The following NUP43 variants were observed in gnomAD, a reference collection of about 807,000 sequenced individuals.
The protein encoded by NUP43 is nucleoporin 43.
Under a neutral mutation model 47.3 loss-of-function variants are expected in NUP43, and 32 were observed. The ratio of observed to expected loss-of-function variants is 0.68; its 90% CI spans 0.51 to 0.91. The LOEUF is 0.91. NUP43 is among the 40% of genes least tolerant of loss of function. NUP43 has a pLI of 0.00. For synonymous variants in NUP43, 147 were observed against 158.4 expected, an observed-to-expected ratio of 0.93 and a Z score of 0.54; for missense variants, 444 against 453.9, an observed-to-expected ratio of 0.98 and a Z score of 0.20.
Position 149,726,973 on chromosome 6 carries a change from GA to G in NUP43, c.1138del (p.Ser380ArgfsTer27). The G allele has an allele frequency of 1.2e-6, 2 of 1,610,496 alleles. No homozygotes were observed. The highest frequency in any genetic ancestry group is 8.5e-7 in the Non-Finnish European group (1 of 1,176,924). ...EAIYVTRHLF[S>X] ...AATCTTATAATTATAGTACTTCTAC[GA>G]AAAAAGATGTCTAGTAACATAAATT... is the stretch of plus-strand genomic sequence containing the variant. On this transcript the variant is annotated frameshift_variant, in exon 8 of 8. Transcript: ENST00000340413. LOFTEE classifies it high-confidence loss of function.
At chr6:149,742,627 T>C (rs1785728136) in intron 3 of NUP43, 57 bp from the exon 4 acceptor site, 5 of 1,294,910 alleles carry the variant, frequency 3.9e-6, no homozygotes, top group Admixed American at 1.9e-5. Flanking sequence ...TTAGCACTTC[T>C]TCCCAACAAG....
chr6:149,733,950 T>C (rs917410783), intron 6 of NUP43, among the ~76,000 whole-genome samples: 11 of 151,736 alleles, frequency 7.2e-5, no homozygotes, highest in Non-Finnish European at 1.6e-4. Context: ...TCTGCCTCCC[T>C]AGTAGCTGGG....
rs766915674 is a variant in NUP43 at position 149,738,716 on chromosome 6, C to T, written c.565G>A (p.Val189Ile). The T allele has an allele frequency of 1.3e-6, 2 of 1,595,502 alleles. No individual in the cohort carries two copies. The highest frequency in any genetic ancestry group is 8.5e-7 in the Non-Finnish European group (1 of 1,171,218). The change falls in exon 5 of 8, where the codon GTA becomes ATA. Residue 189 changes from valine (V) to isoleucine (I), a missense_variant. Val to Ile is a conservative substitution (Grantham distance 29). Transcript: ENST00000340413. ...TFLRTPEILT[V>I]NSIGQLKIWD... ...ATTTTCAACTGTCCAATTGAATTTA[C>T]AGTAAGAATCTCAGGAGTTCGAAGA...
chr6:149,736,973 G>A (rs189273266), intron 5 of NUP43, among the ~76,000 whole-genome samples: 6 of 152,034 alleles, frequency 3.9e-5, no homozygotes, highest in Admixed American at 2.0e-4. Flanking sequence ...ACTGGTAACC[G>A]TGCCCAGCCT....
At chr6:149,729,764 T>G (rs1784943167) in intron 7 of NUP43, among the ~76,000 whole-genome samples, 1 of 152,150 alleles carries the variant, frequency 6.6e-6, no homozygotes, top group African/African-American at 2.4e-5. Flanking sequence ...GAATATTTGC[T>G]CTATGCGTTT....
chr6:149,731,653 A>G lies in NUP43; in HGVS notation c.873T>C (p.Ala291=). Residue 291 remains alanine (A), a synonymous_variant, in exon 7 of 8, where the codon GCT becomes GCC. Transcript: ENST00000340413. ...ACGACTTTTCAGGTACATCTGTGGA[A>G]GCATCCCAGTGCCAGAGGGATCCAT... ...SEDGSLWHWD[A]STDVPEKSSL... is the part of the protein sequence containing the mutation. The G allele has an allele frequency of 1.2e-6, 2 of 1,613,940 alleles. No individual in the cohort carries two copies. The highest frequency in any genetic ancestry group is 1.7e-6 in the Non-Finnish European group (2 of 1,179,892).
Position 149,731,689 on chromosome 6 carries a change from G to A in NUP43, c.837C>T (p.Thr279=). ...FHPSNPEHLF[T]CSEDGSLWHW... The stretch of plus-strand genomic sequence containing the variant: ...GCCAGAGGGATCCATCTTCAGAGCA[G>A]GTAAAAAGATGTTCTGGGTTGGATG... The change falls in exon 7 of 8, where the codon ACC becomes ACT. Residue 279 remains threonine, a synonymous_variant. Coordinates refer to ENST00000340413, the MANE Select transcript of NUP43 (RefSeq NM_198887.3). The A allele has an allele frequency of 1.2e-6, 2 of 1,613,612 alleles. No homozygotes were observed. Among genetic ancestry groups the A allele is most frequent in the Non-Finnish European group, 1.7e-6 (2 of 1,179,614 alleles).
intron 5 of NUP43, among the ~76,000 whole-genome samples, chr6:149,737,505 C>CTGCTTGGA (rs1367888419): frequency 6.6e-6 from 1 of 152,106 alleles, no homozygotes; most frequent in Admixed American, 6.6e-5. Flanking sequence ...TCAAACTTCT[C>CTGCTTGGA]ACCGCAGATA....
At chr6:149,748,639 C>A (rs1019729077), upstream of NUP43, among the ~76,000 whole-genome samples, 2 of 151,726 alleles carry the variant, frequency 1.3e-5, no homozygotes, top group African/African-American at 4.8e-5. Flanking sequence ...GAAACCCTGT[C>A]TCTACTAAAA....
intron 7 of NUP43, chr6:149,727,956 T>TAAGTGCTCTGTGCC: frequency 1.0e-6 from 1 of 985,128 alleles, no homozygotes; most frequent in African/African-American, 1.7e-5. Flanking sequence ...GGCTCTGTGC[T>TAAGTGCTCTGTGCC]AAGTGCTCTG....
intron 4 of NUP43, among the ~76,000 whole-genome samples, chr6:149,739,799 T>C (rs1481540068): frequency 6.6e-6 from 1 of 152,112 alleles, no homozygotes; most frequent in Admixed American, 6.6e-5. Flanking sequence ...TGCAGACTCA[T>C]CCCAAATCTA....
At position 149,724,873 on chromosome 6, in the gene NUP43, G is replaced by C. The variant is rs1175153335; in HGVS notation, c.*2096C>G. On this transcript the variant is annotated 3_prime_UTR_variant, in exon 8 of 8. Coordinates refer to ENST00000340413, the MANE Select transcript of NUP43 (RefSeq NM_198887.3). ...CAAAGTGCTAGCATTACAGGCGTGA[G>C]CCACCATGCCTGGCCACCATATGTT... is the stretch of plus-strand genomic sequence containing the variant. The C allele has an allele frequency of 6.6e-6, 1 of 152,088 alleles. No homozygotes were observed. The highest frequency in any genetic ancestry group is 2.1e-4 in the South Asian group (1 of 4,820). 9.4% of individuals were successfully genotyped at this position (152,088 alleles called of 1,614,324 possible).
At position 149,738,711 on chromosome 6, in the gene NUP43, AT is replaced by A; in HGVS notation, c.569del (p.Asn190IlefsTer6). The A allele has an allele frequency of 6.3e-7, 1 of 1,596,220 alleles. No individual in the cohort carries two copies. Among genetic ancestry groups the A allele is most frequent in the Non-Finnish European group, 8.5e-7 (1 of 1,171,384 alleles). On this transcript the variant is annotated frameshift_variant, in exon 5 of 8. Coordinates refer to ENST00000340413, the MANE Select transcript of NUP43 (RefSeq NM_198887.3). LOFTEE classifies it high-confidence loss of function. ...FLRTPEILTV[N>X]SIGQLKIWDF... Reference sequence around the variant, plus strand: ...CCCATATTTTCAACTGTCCAATTGAATTTACAGTAAGAATCTCAGGAGTTCG... The same window carrying A: ...CCCATATTTTCAACTGTCCAATTGAATTACAGTAAGAATCTCAGGAGTTCG...
At chr6:149,746,222 C>G in intron 1 of NUP43, 154 bp downstream of exon 1, 2 of 1,339,740 alleles carry the variant, frequency 1.5e-6, no homozygotes, top group East Asian at 2.3e-5. Flanking sequence ...ATCACCGGCT[C>G]TGAGCTACGG....
At chr6:149,748,248 G>A (rs57666381), upstream of NUP43, among the ~76,000 whole-genome samples, 731 of 152,336 alleles carry the variant, frequency 4.8e-3, 14 homozygotes, top group East Asian at 0.058. Flanking sequence ...GGACCTGGGA[G>A]GTGGAGGTTG....
intron 7 of NUP43, chr6:149,727,996 G>A: frequency 1.0e-6 from 1 of 985,386 alleles, no homozygotes; most frequent in African/African-American, 1.7e-5. Context: ...GAAGCTTAAA[G>A]ATTAGTACAT....
intron 2 of NUP43, among the ~76,000 whole-genome samples, chr6:149,744,342 G>A (rs573565023): frequency 2.0e-5 from 3 of 152,094 alleles, no homozygotes; most frequent in Non-Finnish European, 2.9e-5. Context: ...TGGCCAATAC[G>A]TTGAAACCTC....
At chr6:149,745,094 C>T (rs1042896503) in intron 2 of NUP43, among the ~76,000 whole-genome samples, 4 of 151,178 alleles carry the variant, frequency 2.6e-5, no homozygotes, top group Middle Eastern at 3.4e-3. Flanking sequence ...GGGCTCTCCA[C>T]ACCAGGATTT....
upstream of NUP43, among the ~76,000 whole-genome samples, chr6:149,747,347 A>G (rs1786065517): frequency 6.6e-6 from 1 of 151,882 alleles, no homozygotes; most frequent in Admixed American, 6.6e-5. Flanking sequence ...GTACAATCTC[A>G]GCTCACTGCA....
Sources: gnomAD v4.1 joint callset for allele counts (sites outside exome capture counted in the v4.1 genomes callset) on GRCh38, gnomAD v4.1.1 for gene constraint, MANE v1.5 for transcripts, NCBI Gene and HGNC (gene_info 2026-07-23, HGNC 2026-07-21) for gene names.